Variants in MAP7 observed in about 807,000 individuals in gnomAD.
MAP7 encodes ensconsin.
In MAP7, 52 loss-of-function variants were observed where a neutral mutation model predicts 94.8. The ratio of observed to expected loss-of-function variants is 0.55; its 90% confidence interval spans 0.44 to 0.69. MAP7 has a LOEUF of 0.69. Among genes scored for constraint, MAP7 ranks in the 30% least tolerant of loss-of-function variants. The probability of loss-of-function intolerance (pLI) is 0.00; values close to 1 mark genes in which losing one functional copy is unlikely to be tolerated. For synonymous variants in MAP7, 350 were observed against 357.0 expected (o/e 0.98, Z 0.22); for missense variants, 940 against 964.6 (o/e 0.97, Z 0.34).
At chr6:136,503,118 C>A (rs1285629858) in intron 1 of MAP7, among the ~76,000 whole-genome samples, 5 of 152,114 alleles carry the variant, frequency 3.3e-5, no homozygotes, top group Non-Finnish European at 7.4e-5. Flanking sequence ...AATGGAAACC[C>A]AGAAATAATT....
chr6:136,412,558 C>G (rs1787823737), intron 2 of MAP7, among the ~76,000 whole-genome samples: 1 of 152,172 alleles, frequency 6.6e-6, no homozygotes, highest in African/African-American at 2.4e-5. Flanking sequence ...AGGAAGGCCT[C>G]ACTGTGATAA....
chr6:136,505,269 GTGTGTGTGTATATATATATATATA>G (rs1370168925), intron 1 of MAP7, among the ~76,000 whole-genome samples: 33 of 99,470 alleles, frequency 3.3e-4, no homozygotes, highest in East Asian at 2.6e-3. Context: ...GTGTGTGTGT[GTGTGTGTGTATATATATATATATA>G]TATATATATA....
intron 1 of MAP7, among the ~76,000 whole-genome samples, chr6:136,510,632 T>C (rs888757578): frequency 7.2e-5 from 11 of 152,274 alleles, no homozygotes; most frequent in Non-Finnish European, 1.6e-4. Flanking sequence ...CTGAGTTACC[T>C]GCAGTCAACT....
intron 2 of MAP7, among the ~76,000 whole-genome samples, chr6:136,413,076 G>A (rs562067934): frequency 6.6e-4 from 101 of 152,168 alleles, no homozygotes; most frequent in East Asian, 3.9e-4. Flanking sequence ...GCAGGAGAAC[G>A]GCTTGAACTT....
At chr6:136,460,380 C>T (rs776682955) in intron 1 of MAP7, among the ~76,000 whole-genome samples, 6 of 151,964 alleles carry the variant, frequency 3.9e-5, no homozygotes, top group Admixed American at 3.9e-4. Flanking sequence ...TTTGTTTTTG[C>T]CAAAATTTCT....
chr6:136,435,367 C>T (rs141513900), intron 1 of MAP7, among the ~76,000 whole-genome samples: 1 of 152,290 alleles, frequency 6.6e-6, no homozygotes, highest in African/African-American at 2.4e-5. Flanking sequence ...TCCTAGATAA[C>T]CAGTCCTGTT....
intron 1 of MAP7, among the ~76,000 whole-genome samples, chr6:136,447,656 TTGTC>T (rs1345440168): frequency 6.6e-6 from 1 of 152,188 alleles, no homozygotes; most frequent in South Asian, 2.1e-4. Flanking sequence ...GCCTCAATGA[TTGTC>T]TGAATAACTG....
Position 136,404,896 on chromosome 6 carries a change from A to G in MAP7, c.244+6724T>C, listed in dbSNP as rs573235694. ...ATATTGTAGAACTATTAGTTTTATA[A>G]TATATGAAGAGGAAAATTTAAGGCA... On this transcript the variant is annotated intron_variant, in intron 3 of 17. Coordinates refer to ENST00000354570, the MANE Select transcript of MAP7 (RefSeq NM_003980.6). Among the ~76,000 whole-genome samples, 47 of 152,336 alleles carry G rather than the reference A, an allele frequency of 3.1e-4. 1 individual carries two copies. Among genetic ancestry groups the G allele is most frequent in the African/African-American group, 1.1e-3 (45 of 41,576 alleles).
At chr6:136,356,975 C>T (rs1791160852) in intron 15 of MAP7, among the ~76,000 whole-genome samples, 181 bp from the exon 16 acceptor site, 1 of 152,062 alleles carries the variant, frequency 6.6e-6, no homozygotes, top group Non-Finnish European at 1.5e-5. Context: ...GTACCTACTT[C>T]ATAGATTGTT....
At chr6:136,500,593 T>C (rs963221980) in intron 1 of MAP7, among the ~76,000 whole-genome samples, 3 of 152,240 alleles carry the variant, frequency 2.0e-5, no homozygotes, top group African/African-American at 4.8e-5. Flanking sequence ...TATCGTCCTC[T>C]AAACGTAGGA....
At chr6:136,538,798 CA>C (rs397836178) in intron 1 of MAP7, among the ~76,000 whole-genome samples, 775 of 65,860 alleles carry the variant, frequency 0.012, 3 homozygotes, top group African/African-American at 0.036. Flanking sequence ...GATTTTGTCT[CA>C]AAAAAAAAAA....
chr6:136,369,340 G>A (rs1412274324), intron 8 of MAP7, among the ~76,000 whole-genome samples: 7 of 152,192 alleles, frequency 4.6e-5, no homozygotes, highest in South Asian at 2.1e-4. Flanking sequence ...TGGGGAGGCC[G>A]AGATGGGTGG....
intron 1 of MAP7, among the ~76,000 whole-genome samples, chr6:136,545,656 CTTTTT>C (rs1829673050): frequency 1.3e-5 from 2 of 152,336 alleles, no homozygotes; most frequent in African/African-American, 4.8e-5. Flanking sequence ...AAACTTTGCT[CTTTTT>C]CACACCTGCA....
chr6:136,482,784 G>C (rs995550419), intron 1 of MAP7, among the ~76,000 whole-genome samples: 1 of 152,148 alleles, frequency 6.6e-6, no homozygotes, highest in Non-Finnish European at 1.5e-5. Context: ...CTCAGCATGA[G>C]GTCCGAAGAT....
chr6:136,366,569 C>T, intron 8 of MAP7, 130 bp from the exon 9 acceptor site: 1 of 643,324 alleles, frequency 1.6e-6, no homozygotes, highest in South Asian at 1.8e-5. Context: ...CACATATACC[C>T]ATTCCATCTC....
chr6:136,353,360 A>C (rs1789779298), intron 16 of MAP7, among the ~76,000 whole-genome samples: 1 of 152,208 alleles, frequency 6.6e-6, no homozygotes, highest in Non-Finnish European at 1.5e-5. Context: ...TGTAAAAGCC[A>C]AGTATCATCA....
intron 8 of MAP7, among the ~76,000 whole-genome samples, chr6:136,368,463 A>G (rs1794874954): frequency 3.3e-5 from 5 of 152,208 alleles, no homozygotes; most frequent in Admixed American, 3.3e-4. Flanking sequence ...AGAATACAGT[A>G]TAAATATCCT....
At chr6:136,523,423 C>A (rs1826963654) in intron 1 of MAP7, among the ~76,000 whole-genome samples, 2 of 152,200 alleles carry the variant, frequency 1.3e-5, no homozygotes, top group Non-Finnish European at 2.9e-5. Flanking sequence ...GTTGCACTAG[C>A]TATATTTCAA....
chr6:136,425,042 G>A (rs1247953090), intron 1 of MAP7, among the ~76,000 whole-genome samples: 3 of 152,154 alleles, frequency 2.0e-5, no homozygotes, highest in Admixed American at 6.5e-5. Context: ...CCATACATAC[G>A]CTATGTTTTT....
Sources: gnomAD v4.1 joint callset for allele counts (sites outside exome capture counted in the v4.1 genomes callset) on GRCh38, gnomAD v4.1.1 for gene constraint, MANE v1.5 for transcripts, NCBI Gene and HGNC (gene_info 2026-07-23, HGNC 2026-07-21) for gene names.